CNIH3: variants seen among roughly 807,000 people sequenced by gnomAD.
CNIH3 encodes protein cornichon homolog 3.
CNIH3 carries 14 observed loss-of-function variants against 24.1 expected under a neutral mutation model. That is an observed-to-expected ratio of 0.58 (90% confidence interval 0.38 to 0.91). The LOEUF (loss-of-function observed/expected upper bound fraction) is 0.91. Ranked by LOEUF, CNIH3 falls within the 40% of genes least tolerant of loss-of-function variation. The pLI, the probability that CNIH3 is intolerant of heterozygous loss-of-function variation, is 0.00. For synonymous variants in CNIH3, 68 were observed against 73.8 expected, an observed-to-expected ratio of 0.92 and a Z score of 0.40; for missense variants, 178 against 196.8, an observed-to-expected ratio of 0.90 and a Z score of 0.57.
intron 5 of CNIH3, among the ~76,000 whole-genome samples, chr1:224,583,646 C>T (rs1681371221): frequency 6.6e-6 from 1 of 152,130 alleles, no homozygotes; most frequent in South Asian, 2.1e-4. Context: ...ACCTGCAGAA[C>T]ATTTTAAACT....
intron 3 of CNIH3, among the ~76,000 whole-genome samples, chr1:224,552,561 T>A (rs1309854508): frequency 6.6e-6 from 1 of 151,712 alleles, no homozygotes; most frequent in Non-Finnish European, 1.5e-5. Flanking sequence ...GTACATTCAC[T>A]GTACTCTCAT....
intron 3 of CNIH3, among the ~76,000 whole-genome samples, chr1:224,688,625 C>G (rs1302140264): frequency 2.0e-5 from 3 of 152,144 alleles, no homozygotes; most frequent in Non-Finnish European, 4.4e-5. Flanking sequence ...CCGTGACATA[C>G]TACAAAATTT....
At chr1:224,576,748 G>A (rs1558176613) in intron 4 of CNIH3, among the ~76,000 whole-genome samples, 1 of 152,076 alleles carries the variant, frequency 6.6e-6, no homozygotes, top group Non-Finnish European at 1.5e-5. Flanking sequence ...GAGTAAGTAA[G>A]CAAGCAAACA....
rs115385035 is a variant in CNIH3, at chr1:224,459,512, C to T, written n.203+24650C>T. Among the ~76,000 whole-genome samples the T allele has an allele frequency of 7.5e-3, 1,144 of 152,054 alleles. 5 individuals carry two copies. Among genetic ancestry groups the T allele is most frequent in the Non-Finnish European group, 0.011 (723 of 67,996 alleles). On this transcript the variant is annotated intron_variant and non_coding_transcript_variant, in intron 1 of 5. Transcript: ENST00000471578. ...AAGAAATAACAACTTCTATCTTGGG[C>T]GAGGCATTTCTTCTGTTAGAACTTT...
intron 3 of CNIH3, among the ~76,000 whole-genome samples, chr1:224,715,674 C>T (rs937244141): frequency 2.0e-5 from 3 of 152,192 alleles, no homozygotes; most frequent in African/African-American, 4.8e-5. Flanking sequence ...CAGGTGTGTG[C>T]AGAGATCACA....
chr1:224,597,659 C>T (rs1682041813), intron 3 of CNIH3, among the ~76,000 whole-genome samples: 1 of 152,150 alleles, frequency 6.6e-6, no homozygotes. Flanking sequence ...CATGGAAGCT[C>T]TCCATCCCTT....
intron 1 of CNIH3, chr1:224,661,199 C>T: frequency 3.7e-6 from 1 of 268,256 alleles, no homozygotes; most frequent in Non-Finnish European, 7.9e-6. Context: ...AGCTGCTGCT[C>T]CTCACCATGT....
chr1:224,635,925 G>A (rs1684067303), intron 1 of CNIH3, among the ~76,000 whole-genome samples: 1 of 152,070 alleles, frequency 6.6e-6, no homozygotes, highest in South Asian at 2.1e-4. Flanking sequence ...CGTTGCCCAC[G>A]TTGATCTTGA....
At chr1:224,511,256 G>T (rs935493223), upstream of CNIH3, among the ~76,000 whole-genome samples, 2 of 152,174 alleles carry the variant, frequency 1.3e-5, no homozygotes, top group Non-Finnish European at 2.9e-5. Context: ...AACTCATGGT[G>T]TGATGTTAGA....
chr1:224,658,149 A>G (rs1018172625), intron 1 of CNIH3, among the ~76,000 whole-genome samples: 2 of 152,286 alleles, frequency 1.3e-5, no homozygotes, highest in South Asian at 4.1e-4. Flanking sequence ...TTGTGGTCAA[A>G]AAGACTGAAT....
At chr1:224,514,003 AC>A (rs1678278349), upstream of CNIH3, 1 of 152,156 alleles carries the variant, frequency 6.6e-6, no homozygotes, top group African/African-American at 2.4e-5. Flanking sequence ...ATTTCTTTCT[AC>A]AGTAGTTTTA....
chr1:224,474,612 T>C (rs1676494259), intron 1 of CNIH3, among the ~76,000 whole-genome samples: 1 of 151,568 alleles, frequency 6.6e-6, no homozygotes. Flanking sequence ...AGAGCAGAAA[T>C]AAGTGAGATT....
chr1:224,716,662 T>C lies in CNIH3; in HGVS notation c.199-13800T>C, dbSNP rs34873480. 6.5e-3 allele frequency among the ~76,000 whole-genome samples: 994 copies of C among 152,012 alleles called. 4 individuals carry two copies. Among genetic ancestry groups the C allele is most frequent in the Non-Finnish European group, 0.01 (685 of 67,970 alleles). On this transcript the variant is annotated intron_variant, in intron 3 of 5. Transcript: ENST00000272133. ...GGGGTTTGGAAAGCAGGCTGATAAC[T>C]TAGGGAATTTTGAGGCACCCAGGAG...
intron 3 of CNIH3, chr1:224,565,467 G>A (rs1680541561): frequency 6.6e-6 from 1 of 152,250 alleles, no homozygotes; most frequent in Non-Finnish European, 1.5e-5. Flanking sequence ...ATAATATTTA[G>A]AGGTGGCGAA....
chr1:224,485,822 A>T (rs1176854133), intron 1 of CNIH3, among the ~76,000 whole-genome samples: 1 of 152,244 alleles, frequency 6.6e-6, no homozygotes, highest in Non-Finnish European at 1.5e-5. Flanking sequence ...AAAGAAAAAT[A>T]GACTGATACA....
intron 1 of CNIH3, among the ~76,000 whole-genome samples, chr1:224,618,813 ACCCT>A (rs1341444196): frequency 6.6e-6 from 1 of 152,144 alleles, no homozygotes; most frequent in African/African-American, 2.4e-5. Flanking sequence ...GGGATTTTAA[ACCCT>A]CCCTTCTCTG....
chr1:224,652,389 G>A (rs1371775810), intron 1 of CNIH3, among the ~76,000 whole-genome samples: 1 of 152,190 alleles, frequency 6.6e-6, no homozygotes, highest in African/African-American at 2.4e-5. Flanking sequence ...GATGAGTTGA[G>A]CAGGCAGGAC....
intron 3 of CNIH3, among the ~76,000 whole-genome samples, chr1:224,606,315 T>C (rs1391920336): frequency 6.6e-6 from 1 of 152,162 alleles, no homozygotes; most frequent in African/African-American, 2.4e-5. Flanking sequence ...GCTGTGTGAA[T>C]GAACTGAAGG....
At chr1:224,567,319 G>T (rs1307168990) in intron 4 of CNIH3, among the ~76,000 whole-genome samples, 2 of 152,130 alleles carry the variant, frequency 1.3e-5, no homozygotes, top group Non-Finnish European at 2.9e-5. Context: ...TCTGTAGGTT[G>T]CCTGTTCACT....
Sources: allele counts gnomAD v4.1 joint callset (sites outside exome capture counted in the v4.1 genomes callset), GRCh38; gene constraint gnomAD v4.1.1; transcripts MANE v1.5; gene names NCBI Gene and HGNC (gene_info 2026-07-23, HGNC 2026-07-21).